FAT1: variants seen among roughly 807,000 people sequenced by gnomAD.
FAT1 encodes the protein protocadherin Fat 1.
Under a neutral mutation model 329.8 loss-of-function variants are expected in FAT1, and 171 were observed. That is an observed-to-expected ratio of 0.52 (90% CI 0.46 to 0.59). The LOEUF is 0.59. Ranked by LOEUF, FAT1 falls within the 20% of genes least tolerant of loss-of-function variation. The probability of loss-of-function intolerance (pLI) is 0.00; values close to 1 mark genes in which losing one functional copy is unlikely to be tolerated. For synonymous variants in FAT1, 2,233 were observed against 2,228.6 expected (o/e 1.00, Z -0.06); for missense variants, 5,672 against 5,774.4 (o/e 0.98, Z 0.57).
rs556166660 is a variant in FAT1, at chr4:186,609,921, G to C, written c.9948C>G (p.Ser3316Arg). ...EATDGGTPSL[S>R]DVATVNVNVT... Reference sequence around the variant, plus strand: ...CATTAACGTTCACAGTGGCAACGTCGCTCAGTGAAGGCGTGCCTCCATCAG... The same window carrying C: ...CATTAACGTTCACAGTGGCAACGTCCCTCAGTGAAGGCGTGCCTCCATCAG... The change falls in exon 15 of 27, where the codon AGC becomes AGG. Residue 3316 changes from serine (S) to arginine (R), a missense_variant. Physicochemically the swap from Ser to Arg is moderately radical, Grantham distance 110. Transcript: ENST00000441802. The C allele has an allele frequency of 6.2e-7, 1 of 1,612,180 alleles. No homozygotes were observed. Among genetic ancestry groups the C allele is most frequent in the East Asian group, 2.2e-5 (1 of 44,868 alleles).
At chr4:186,664,635 C>T (rs1742344089) in intron 2 of FAT1, among the ~76,000 whole-genome samples, 2 of 152,174 alleles carry the variant, frequency 1.3e-5, no homozygotes. Context: ...GATTTACCTC[C>T]TCTGGGGATA....
chr4:186,601,374 C>T lies in FAT1; in HGVS notation c.11535G>A (p.Thr3845=), dbSNP rs2289550. 0.039 allele frequency: 63,654 copies of T among 1,613,152 alleles called. 2,351 individuals carry two copies. Among genetic ancestry groups the T allele is most frequent in the East Asian group, 0.18 (7,945 of 44,850 alleles). ...TCATCTCTAATTTGTTTTCATTTTCCGTCAGACGGTATTTCACGTAGCTGT... is the reference window on the plus strand; with the variant it reads ...TCATCTCTAATTTGTTTTCATTTTCTGTCAGACGGTATTTCACGTAGCTGT... ...TGNSYVKYRL[T]ENENKLEMKL... Residue 3845 remains threonine, a synonymous_variant, in exon 21 of 27, where the codon ACG becomes ACA. Coordinates refer to ENST00000441802, the MANE Select transcript of FAT1 (RefSeq NM_005245.4).
At chr4:186,650,555 A>AT (rs553459956) in intron 3 of FAT1, among the ~76,000 whole-genome samples, 1 of 151,984 alleles carries the variant, frequency 6.6e-6, no homozygotes, top group Admixed American at 6.6e-5. Context: ...GTTAATCAAA[A>AT]TTTTTTTTAC....
chr4:186,606,764 A>G (rs147950685), intron 16 of FAT1, among the ~76,000 whole-genome samples: 18 of 152,296 alleles, frequency 1.2e-4, no homozygotes, highest in African/African-American at 3.8e-4. Context: ...ACCTCCCACA[A>G]AAGAAAGAAA....
intron 12 of FAT1, 131 bp from the exon 13 acceptor site, chr4:186,613,473 T>C (rs769851215): frequency 2.8e-5 from 19 of 689,990 alleles, no homozygotes; most frequent in Non-Finnish European, 4.7e-5. Context: ...AGACCAGTAT[T>C]ATCAATGACA....
At chr4:186,606,564 G>T (rs1272977836) in intron 16 of FAT1, among the ~76,000 whole-genome samples, 1 of 152,134 alleles carries the variant, frequency 6.6e-6, no homozygotes, top group African/African-American at 2.4e-5. Flanking sequence ...TGTTGCTTCG[G>T]TAAGATGGGA....
chr4:186,690,457 A>C (rs1743702804), intron 2 of FAT1, among the ~76,000 whole-genome samples: 1 of 152,156 alleles, frequency 6.6e-6, no homozygotes, highest in Non-Finnish European at 1.5e-5. Flanking sequence ...CAGCACCTGG[A>C]GGCCGAGGCA....
At chr4:186,615,950 G>C (rs1268852442) in intron 11 of FAT1, among the ~76,000 whole-genome samples, 1 of 152,086 alleles carries the variant, frequency 6.6e-6, no homozygotes, top group Non-Finnish European at 1.5e-5. Context: ...ACTCAACACG[G>C]AACTCCTCTA....
rs780520301 is a variant in FAT1, at chr4:186,709,178, A to G, written c.650T>C (p.Leu217Pro). The part of the protein sequence containing the change: ...TGRLDYLETK[L>P]YEMEILAADR... The stretch of plus-strand genomic sequence containing the variant: ...CGCAGCGAGGATTTCCATCTCATAG[A>G]GCTTGGTCTCTAGGTAATCAAGTCT... Residue 217 changes from leucine to proline, a missense_variant, in exon 2 of 27, where the codon CTC (leucine) becomes CCC (proline). This residue lies in a region of FAT1 where 3,966 missense variants were observed against 3,915.2 expected (regional missense o/e 1.01). Transcript: ENST00000441802. 6.2e-7 allele frequency: 1 copy of G among 1,613,966 alleles called. No homozygotes were observed. The highest frequency in any genetic ancestry group is 1.6e-4 in the Middle Eastern group (1 of 6,062).
intron 3 of FAT1, among the ~76,000 whole-genome samples, chr4:186,648,881 C>A (rs1366197110): frequency 6.6e-6 from 1 of 152,146 alleles, no homozygotes; most frequent in Non-Finnish European, 1.5e-5. Flanking sequence ...CTCCTCAGTA[C>A]AGGTGCTGAC....
Position 186,603,313 on chromosome 4 carries a change from CAG to C in FAT1, c.11211_11212del (p.Cys3738ArgfsTer12). 6.2e-7 allele frequency: 1 copy of C among 1,614,020 alleles called. No homozygotes were observed. The highest frequency in any genetic ancestry group is 8.5e-7 in the Non-Finnish European group (1 of 1,179,890). ...CTTCCAGGGGCAGTCCAGTCCCGCGCAGAGTTTCTGGAATACATTCAGTATCC... is the reference window on the plus strand; with the variant it reads ...CTTCCAGGGGCAGTCCAGTCCCGCGCAGTTTCTGGAATACATTCAGTATCC... On this transcript the variant is annotated frameshift_variant, in exon 19 of 27. Transcript: ENST00000441802. LOFTEE classifies it high-confidence loss of function.
intron 1 of FAT1, among the ~76,000 whole-genome samples, chr4:186,723,356 G>C (rs13125023): frequency 6.6e-6 from 1 of 152,126 alleles, no homozygotes; most frequent in South Asian, 2.1e-4. Flanking sequence ...CGCGAGGCCG[G>C]CGCAGCCCGG....
chr4:186,596,635 C>T lies in FAT1; in HGVS notation c.12905G>A (p.Cys4302Tyr), dbSNP rs2126387531. The change falls in exon 25 of 27, where the codon TGC becomes TAC. Residue 4302 changes from cysteine to tyrosine, a missense_variant. By Grantham distance (194) the Cys-to-Tyr change is radical. This residue lies in a region of FAT1 where 1,706 missense variants were observed against 1,859.1 expected (regional missense o/e 0.92). Coordinates refer to ENST00000441802, the MANE Select transcript of FAT1 (RefSeq NM_005245.4). This position sits in a 1 kb window ranked among gnomAD's most constrained non-coding sequence, Gnocchi z 4.7. Reference protein sequence around the residue: ...VHGHRKAVAVCSVAPNLPPPP... With the variant: ...VHGHRKAVAVYSVAPNLPPPP... ...GGGAGGCAGGTTTGGCGCCACGCTG[C>T]AGACCGCCACTGCTTTTCGGTGCCC... 1.2e-6 allele frequency: 2 copies of T among 1,610,380 alleles called. No homozygotes were observed. The highest frequency in any genetic ancestry group is 1.3e-5 in the African/African-American group (1 of 75,002).
intron 11 of FAT1, among the ~76,000 whole-genome samples, chr4:186,615,935 T>C (rs1364954263): frequency 6.6e-6 from 1 of 152,168 alleles, no homozygotes; most frequent in Non-Finnish European, 1.5e-5. Flanking sequence ...CAAACTGGAA[T>C]TGGAACTCAA....
chr4:186,587,965 GA>G lies in FAT1; in HGVS notation c.*626del. 4.6e-6 allele frequency: 1 copy of G among 216,800 alleles called. No individual in the cohort carries two copies. Among genetic ancestry groups the G allele is most frequent in the Non-Finnish European group, 9.3e-6 (1 of 107,554 alleles). 13.4% of individuals were successfully genotyped at this position (216,800 alleles called of 1,614,324 possible). A position where few individuals can be genotyped will look rare whatever the true frequency, so the allele number is the denominator to read the frequency against. ...GGTCCCCGTTACACTTTCCAATAAT[GA>G]AAAATGTTTATAATTCTAAATACAG... On this transcript the variant is annotated 3_prime_UTR_variant, in exon 27 of 27. Transcript: ENST00000441802.
intron 26 of FAT1, among the ~76,000 whole-genome samples, chr4:186,593,003 C>T (rs1738317537): frequency 6.6e-6 from 1 of 151,964 alleles, no homozygotes; most frequent in South Asian, 2.1e-4. Flanking sequence ...GGAATTTAAA[C>T]AAAAAAACTT....
At position 186,619,657 on chromosome 4, in the gene FAT1, G is replaced by C. The variant is rs780957273; in HGVS notation, c.6929C>G (p.Ser2310Cys). Residue 2310 changes from serine (S) to cysteine (C), a missense_variant, in exon 10 of 27, where the codon TCT becomes TGT. By Grantham distance (112) the Ser-to-Cys change is moderately radical. Coordinates refer to ENST00000441802, the MANE Select transcript of FAT1 (RefSeq NM_005245.4). ...TSVVQVRATD[S>C]DSEPNRGISY... ...GATTCCTCTATTTGGTTCTGAATCAGAATCGGTGGCTCTAACTTGAACAAC... is the reference window on the plus strand; with the variant it reads ...GATTCCTCTATTTGGTTCTGAATCACAATCGGTGGCTCTAACTTGAACAAC... 6 of 1,613,864 alleles carry C rather than the reference G, an allele frequency of 3.7e-6. No homozygotes were observed. In the East Asian group the frequency reaches 1.3e-4, roughly 36 times the overall value.
rs116343161 is a variant in FAT1 at position 186,717,882 on chromosome 4, C to T, written c.-19+5782G>A. On this transcript the variant is annotated intron_variant, in intron 1 of 26. Coordinates refer to ENST00000441802, the MANE Select transcript of FAT1 (RefSeq NM_005245.4). ...AACCACTTTCTCCTCATCCACATTC[C>T]AGGACAAACTTTGCCCAAGGAGAAG... Among the ~76,000 whole-genome samples the T allele has an allele frequency of 4.4e-3, 676 of 152,178 alleles. 6 individuals are homozygous for T. The highest frequency in any genetic ancestry group is 0.015 in the African/African-American group (637 of 41,518).
intron 2 of FAT1, among the ~76,000 whole-genome samples, chr4:186,664,037 C>T (rs1742313123): frequency 6.6e-6 from 1 of 152,046 alleles, no homozygotes; most frequent in Non-Finnish European, 1.5e-5. Flanking sequence ...GGAGGCTACT[C>T]AGGAAGACAG....
Sources: gnomAD v4.1 joint callset for allele counts (sites outside exome capture counted in the v4.1 genomes callset) on GRCh38, gnomAD v4.1.1 for gene constraint, gnomAD v4.1.1 regional missense constraint, Gnocchi (gnomAD v3.1) non-coding constraint, MANE v1.5 for transcripts, NCBI Gene and HGNC (gene_info 2026-07-23, HGNC 2026-07-21) for gene names.